The following DOCK1 variants were observed in gnomAD, a reference collection of about 807,000 sequenced individuals.
The protein encoded by DOCK1 is dedicator of cytokinesis protein 1.
A neutral mutation model predicts 262.7 loss-of-function variants in DOCK1; 138 were observed. The observed-to-expected ratio is 0.53, with a 90% confidence interval of 0.46 to 0.61. The LOEUF is 0.61. Ranked by LOEUF, DOCK1 falls within the 20% of genes least tolerant of loss-of-function variation. The probability of loss-of-function intolerance (pLI) is 0.00; values close to 1 mark genes in which losing one functional copy is unlikely to be tolerated. For synonymous variants in DOCK1, 866 were observed against 867.4 expected (o/e 1.00, Z 0.03); for missense variants, 1,908 against 2,370.7 (o/e 0.80, Z 4.05).
At chr10:127,029,086 TC>T (rs2043070250) in intron 16 of DOCK1, among the ~76,000 whole-genome samples, 1 of 152,382 alleles carries the variant, frequency 6.6e-6, no homozygotes, top group African/African-American at 2.4e-5. Context: ...TCCTTGTTTT[TC>T]TTGTCAGTTT....
At position 127,106,310 on chromosome 10, in the gene DOCK1, G is replaced by A. The variant is rs2048527014; in HGVS notation, c.2516+9G>A. 23 of 1,590,952 alleles carry A rather than the reference G, an allele frequency of 1.4e-5. No individual in the cohort carries two copies. The highest frequency in any genetic ancestry group is 2.0e-5 in the Non-Finnish European group (23 of 1,167,246). On this transcript the variant is annotated intron_variant, in intron 24 of 51. Transcript: ENST00000623213. ...GATCCCAAAGAGCTCAGGTAAGTAT[G>A]CAGCCCAGGCGAATGCTTGTCACGT...
intron 38 of DOCK1, among the ~76,000 whole-genome samples, chr10:127,401,345 C>T (rs1254827880): frequency 7.2e-5 from 11 of 152,096 alleles, no homozygotes; most frequent in Non-Finnish European, 7.4e-5. Context: ...AGGGGCATAA[C>T]GCAGAAGAAG....
chr10:127,342,089 TTGTTGTTGCTGCTGCTGCTGC>T (rs1379460520), intron 30 of DOCK1, among the ~76,000 whole-genome samples: 1 of 151,378 alleles, frequency 6.6e-6, no homozygotes, highest in East Asian at 1.9e-4. Context: ...GCTGTTGCTG[TTGTTGTTGCTGCTGCTGCTGC>T]TGCTGTTGTT....
intron 38 of DOCK1, among the ~76,000 whole-genome samples, chr10:127,385,789 T>C (rs1272192967): frequency 6.6e-6 from 1 of 152,194 alleles, no homozygotes; most frequent in African/African-American, 2.4e-5. Context: ...TCTCTGGCAC[T>C]GGTCATCTGT....
At chr10:127,270,282 C>T (rs1034270295) in intron 29 of DOCK1, among the ~76,000 whole-genome samples, 1 of 152,222 alleles carries the variant, frequency 6.6e-6, no homozygotes, top group Non-Finnish European at 1.5e-5. Context: ...CTGCTCGATG[C>T]ACTTCCCACC....
intron 27 of DOCK1, among the ~76,000 whole-genome samples, chr10:127,247,226 C>G (rs562806955): frequency 6.6e-6 from 1 of 152,206 alleles, no homozygotes; most frequent in Non-Finnish European, 1.5e-5. Context: ...CTTCCCCATT[C>G]TTGATTTTCT....
chr10:127,430,623 C>A (rs558669624), intron 47 of DOCK1, among the ~76,000 whole-genome samples: 4 of 151,930 alleles, frequency 2.6e-5, no homozygotes, highest in Non-Finnish European at 5.9e-5. Flanking sequence ...CCTCCTCCCC[C>A]ACCTGCTCTC....
intron 26 of DOCK1, among the ~76,000 whole-genome samples, chr10:127,127,289 A>G (rs2050023782): frequency 6.6e-6 from 1 of 152,244 alleles, no homozygotes; most frequent in Non-Finnish European, 1.5e-5. Context: ...TTTGCATTTG[A>G]CGTGCAGAAC....
chr10:127,360,875 A>G (rs1404731049), intron 32 of DOCK1, among the ~76,000 whole-genome samples: 1 of 152,150 alleles, frequency 6.6e-6, no homozygotes, highest in Non-Finnish European at 1.5e-5. Context: ...GGTACAGCCC[A>G]CTTTCCTCGT....
chr10:127,146,071 C>G, intron 27 of DOCK1: 1 of 514,480 alleles, frequency 1.9e-6, no homozygotes, highest in South Asian at 1.4e-5. Flanking sequence ...GGACTGCGTC[C>G]CGTATTTACC....
chr10:126,969,891 G>A (rs969090006), intron 1 of DOCK1, among the ~76,000 whole-genome samples: 13 of 152,180 alleles, frequency 8.5e-5, no homozygotes, highest in African/African-American at 3.1e-4. Flanking sequence ...GGCTGTGCAG[G>A]ATGGATGGAT....
chr10:127,052,148 A>G (rs2044764725), intron 21 of DOCK1, among the ~76,000 whole-genome samples: 1 of 152,204 alleles, frequency 6.6e-6, no homozygotes, highest in Non-Finnish European at 1.5e-5. Context: ...ACCTGCTTAG[A>G]ACAACGTCTA....
At chr10:127,295,099 C>T (rs117210961) in intron 29 of DOCK1, among the ~76,000 whole-genome samples, 1,539 of 152,168 alleles carry the variant, frequency 0.01, 12 homozygotes, top group Middle Eastern at 0.017. Flanking sequence ...TTCTGTGAGT[C>T]CATTTTGTGT....
intron 28 of DOCK1, among the ~76,000 whole-genome samples, chr10:127,254,192 T>C (rs1054182359): frequency 1.3e-5 from 2 of 152,226 alleles, no homozygotes; most frequent in Non-Finnish European, 2.9e-5. Context: ...GATGATTGTG[T>C]CTCTTTAATC....
At chr10:127,059,567 C>T (rs2135804554) in intron 22 of DOCK1, among the ~76,000 whole-genome samples, 1 of 152,198 alleles carries the variant, frequency 6.6e-6, no homozygotes, top group South Asian at 2.1e-4. Flanking sequence ...TGTGTCTACT[C>T]TCTATTTTGT....
intron 27 of DOCK1, among the ~76,000 whole-genome samples, chr10:127,140,427 A>C (rs2051117370): frequency 6.6e-6 from 1 of 152,170 alleles, no homozygotes. Context: ...GCCTGCCAGC[A>C]AGTTGACCCT....
At chr10:127,301,201 A>T (rs912521521) in intron 29 of DOCK1, among the ~76,000 whole-genome samples, 1 of 152,164 alleles carries the variant, frequency 6.6e-6, no homozygotes, top group Admixed American at 6.5e-5. Flanking sequence ...CCGCTTGAAT[A>T]CAGGGTGTCA....
Position 127,180,762 on chromosome 10 carries a change from G to A in DOCK1, c.2847+52998G>A, listed in dbSNP as rs187955596. On this transcript the variant is annotated intron_variant, in intron 27 of 51. Transcript: ENST00000623213. ...TTATGGTTTACATTCACTCTGGGCG[G>A]CCATTAAAAGGATAATTATAGAGAT... Among the ~76,000 whole-genome samples the A allele has an allele frequency of 1.2e-4, 18 of 152,240 alleles. No individual in the cohort carries two copies. In the East Asian group the frequency reaches 2.9e-3, roughly 24 times the overall value.
At chr10:127,245,288 A>G (rs953222120) in intron 27 of DOCK1, among the ~76,000 whole-genome samples, 1 of 152,204 alleles carries the variant, frequency 6.6e-6, no homozygotes, top group Non-Finnish European at 1.5e-5. Flanking sequence ...AAAAAGCAAG[A>G]CTTACTTTCG....
Sources: gnomAD v4.1 joint callset for allele counts (sites outside exome capture counted in the v4.1 genomes callset) on GRCh38, gnomAD v4.1.1 for gene constraint, MANE v1.5 for transcripts, NCBI Gene and HGNC (gene_info 2026-07-23, HGNC 2026-07-21) for gene names.